The following XRCC6 variants were observed in gnomAD, a reference collection of about 807,000 sequenced individuals.
XRCC6 encodes the protein DNA repair protein Ku70.
A neutral mutation model predicts 65.7 loss-of-function variants in XRCC6; 5 were observed. The ratio of observed to expected loss-of-function variants is 0.08; its 90% CI spans 0.04 to 0.16. The LOEUF (loss-of-function observed/expected upper bound fraction) is 0.16, where lower values mean the gene tolerates loss of function less well. XRCC6 is among the 10% of genes least tolerant of loss of function. XRCC6 has a pLI of 1.00. For missense variants in XRCC6, 447 were observed against 738.1 expected (o/e 0.61, Z 4.57); for synonymous variants, 270 against 270.6 (o/e 1.00, Z 0.02).
intron 3 of XRCC6, among the ~76,000 whole-genome samples, chr22:41,634,898 A>G (rs537701096): frequency 7.2e-5 from 11 of 152,176 alleles, no homozygotes; most frequent in Non-Finnish European, 1.6e-4. Context: ...TAGTTTATAT[A>G]GAGGGGTAGA....
intron 9 of XRCC6, among the ~76,000 whole-genome samples, chr22:41,653,990 C>T (rs966822603): frequency 1.3e-5 from 2 of 152,142 alleles, no homozygotes; most frequent in Admixed American, 6.5e-5. Flanking sequence ...CTGCCGACAC[C>T]TTTCTTTCCA....
chr22:41,656,418 G>T (rs1002393564), intron 9 of XRCC6, among the ~76,000 whole-genome samples: 3 of 151,706 alleles, frequency 2.0e-5, no homozygotes, highest in Non-Finnish European at 4.4e-5. Flanking sequence ...TCAGGAGGCT[G>T]AGGCAGGAGA....
chr22:41,649,139 A>AAAAAAAAAATATATATAT, intron 7 of XRCC6, among the ~76,000 whole-genome samples: 3 of 88,734 alleles, frequency 3.4e-5, no homozygotes, highest in Non-Finnish European at 6.2e-5. Context: ...AAAAAAAAAA[A>AAAAAAAAAATATATATAT]ATATATATAT....
At chr22:41,634,078 A>C (rs1204495746) in intron 3 of XRCC6, among the ~76,000 whole-genome samples, 1 of 152,194 alleles carries the variant, frequency 6.6e-6, no homozygotes, top group African/African-American at 2.4e-5. Flanking sequence ...CATGTTCTGC[A>C]TTTAAGGAGA....
intron 12 of XRCC6, among the ~76,000 whole-genome samples, chr22:41,662,581 G>C (rs1456947896): frequency 2.0e-5 from 3 of 152,128 alleles, no homozygotes; most frequent in Non-Finnish European, 2.9e-5. Flanking sequence ...AGATATACCA[G>C]GTTATTTAAC....
At chr22:41,656,429 AC>A (rs1196588022) in intron 9 of XRCC6, among the ~76,000 whole-genome samples, 1 of 151,536 alleles carries the variant, frequency 6.6e-6, no homozygotes, top group Non-Finnish European at 1.5e-5. Context: ...AGGCAGGAGA[AC>A]CGCTTGAACC....
At chr22:41,635,752 G>C (rs899513887) in intron 3 of XRCC6, among the ~76,000 whole-genome samples, 1 of 151,710 alleles carries the variant, frequency 6.6e-6, no homozygotes, top group Non-Finnish European at 1.5e-5. Flanking sequence ...ATGTTGCCCA[G>C]GCTGGTCTCG....
intron 8 of XRCC6, among the ~76,000 whole-genome samples, chr22:41,652,556 G>T (rs1285685163): frequency 6.6e-6 from 1 of 152,116 alleles, no homozygotes; most frequent in Non-Finnish European, 1.5e-5. Flanking sequence ...AGTAGAGACA[G>T]GGTTTTGCTA....
chr22:41,652,241 AC>A (rs2068006534), intron 8 of XRCC6, among the ~76,000 whole-genome samples: 1 of 82,110 alleles, frequency 1.2e-5, no homozygotes, highest in Non-Finnish European at 4.1e-5. Context: ...TGCAGTCTAG[AC>A]CCTATCTTCT....
At chr22:41,657,635 T>C (rs1032791098) in intron 10 of XRCC6, among the ~76,000 whole-genome samples, 5 of 151,694 alleles carry the variant, frequency 3.3e-5, no homozygotes, top group African/African-American at 1.2e-4. Flanking sequence ...TTCTCCCACC[T>C]CAGACTCCTG....
intron 2 of XRCC6, among the ~76,000 whole-genome samples, chr22:41,624,768 C>T (rs965299522): frequency 3.3e-5 from 5 of 150,860 alleles, no homozygotes; most frequent in South Asian, 2.1e-4. Context: ...GAGGCCGAGG[C>T]GGGTGGCTCA....
chr22:41,663,100 T>C (rs775775112), intron 12 of XRCC6, among the ~76,000 whole-genome samples: 5 of 152,160 alleles, frequency 3.3e-5, no homozygotes, highest in Non-Finnish European at 7.3e-5. Flanking sequence ...ACAGAAGTTA[T>C]ATCCTTTTTT....
At chr22:41,661,745 A>G (rs956400905) in intron 12 of XRCC6, 2 of 267,210 alleles carry the variant, frequency 7.5e-6, no homozygotes, top group Admixed American at 5.2e-5. Context: ...CAGTCAGTAT[A>G]TACCCAAAAG....
chr22:41,631,608 A>G (rs1601531795), intron 3 of XRCC6, among the ~76,000 whole-genome samples: 6 of 93,346 alleles, frequency 6.4e-5, no homozygotes, highest in Non-Finnish European at 1.3e-4. Context: ...CCTAGATGGG[A>G]TGGCGGCTGG....
At chr22:41,658,959 A>G (rs1424828024) in intron 11 of XRCC6, among the ~76,000 whole-genome samples, 2 of 152,090 alleles carry the variant, frequency 1.3e-5, no homozygotes, top group Non-Finnish European at 2.9e-5. Context: ...AAAAATCAAT[A>G]AATAATTTAA....
In XRCC6 at chr22:41,657,495, TA is replaced by T. The variant is rs1236105508; in HGVS notation, c.1421+464del. Among the ~76,000 whole-genome samples the T allele has an allele frequency of 2.5e-3, 35 of 14,214 alleles. No individual in the cohort carries two copies. The East Asian group carries it at 0.24, about 98-fold the overall frequency. 9.3% of individuals were successfully genotyped at this position (14,214 alleles called of 152,430 possible). A position where few individuals can be genotyped will look rare whatever the true frequency, so the allele number is the denominator to read the frequency against. ...TCACATGTCATTTTTAAAAATTTAT[TA>T]TTATTATTATTATTATTATTATTAT... On this transcript the variant is annotated intron_variant, in intron 10 of 12. Transcript: ENST00000360079.
rs7289776 is a variant in XRCC6, at chr22:41,638,429, G to C, written c.773+638G>C. 9.3e-3 allele frequency among the ~76,000 whole-genome samples: 1,421 copies of C among 152,234 alleles called. 29 individuals are homozygous for C. Among genetic ancestry groups the C allele is most frequent in the African/African-American group, 0.033 (1,370 of 41,518 alleles). The stretch of plus-strand genomic sequence containing the variant: ...ATAGCATATTACCATACTGTTTACT[G>C]TAGGCAATGGTAAGTATTTGTGTAT... On this transcript the variant is annotated intron_variant, in intron 6 of 12. Transcript: ENST00000360079.
At chr22:41,644,901 G>A (rs1438192523) in intron 6 of XRCC6, among the ~76,000 whole-genome samples, 1 of 152,166 alleles carries the variant, frequency 6.6e-6, no homozygotes, top group East Asian at 1.9e-4. Flanking sequence ...GGATACTTGA[G>A]TTTGAATATG....
At chr22:41,649,153 T>TATATATATATATATATATATATATATAG (rs2067968958) in intron 7 of XRCC6, among the ~76,000 whole-genome samples, 1 of 135,082 alleles carries the variant, frequency 7.4e-6, no homozygotes, top group Non-Finnish European at 1.5e-5. Context: ...TATATATATA[T>TATATATATATATATATATATATATATAG]ATATATATAT....
Sources: allele counts gnomAD v4.1 joint callset (sites outside exome capture counted in the v4.1 genomes callset), GRCh38; gene constraint gnomAD v4.1.1; transcripts MANE v1.5; gene names NCBI Gene and HGNC (gene_info 2026-07-23, HGNC 2026-07-21).